The following CSMD3 variants were observed in gnomAD, a reference collection of about 807,000 sequenced individuals.
CSMD3 encodes CUB and sushi domain-containing protein 3.
A neutral mutation model predicts 435.2 loss-of-function variants in CSMD3; 177 were observed. That is an observed-to-expected ratio of 0.41 (90% CI 0.36 to 0.46). CSMD3 has a LOEUF of 0.46. Ranked by LOEUF, CSMD3 falls within the 20% of genes least tolerant of loss-of-function variation. The pLI, the probability that CSMD3 is intolerant of heterozygous loss-of-function variation, is 0.34. For synonymous variants in CSMD3, 1,656 were observed against 1,520.5 expected, an observed-to-expected ratio of 1.09 and a Z score of -2.07; for missense variants, 4,265 against 4,504.6, an observed-to-expected ratio of 0.95 and a Z score of 1.52.
At chr8:112,310,667 T>C (rs1172785160) in intron 50 of CSMD3, 18 of 413,142 alleles carry the variant, frequency 4.4e-5, no homozygotes, top group East Asian at 3.4e-4. Flanking sequence ...ACTAACTCAG[T>C]CTTCCTCTCT....
At position 112,263,659 on chromosome 8, in the gene CSMD3, C is replaced by T. The variant is rs1333652160; in HGVS notation, c.9842G>A (p.Gly3281Asp). 2 of 1,613,492 alleles carry T rather than the reference C, an allele frequency of 1.2e-6. No homozygotes were observed. Among genetic ancestry groups the T allele is most frequent in the Non-Finnish European group, 1.7e-6 (2 of 1,179,660 alleles). ...LTCVGNGTWS[G>D]EVPQCLPKFC... The stretch of plus-strand genomic sequence containing the variant: ...CTTACGTAAGCACTGCGGTACTTCA[C>T]CACTCCAGGTACCATTCCCTACACA... Residue 3281 changes from glycine to aspartate, a missense_variant, in exon 61 of 71, where the codon GGT becomes GAT. By Grantham distance (94) the Gly-to-Asp change is moderately conservative (BLOSUM62 -1). Around this residue, in one of 3 missense-constraint regions of CSMD3, gnomAD observed 3,255 missense variants for 3,380.2 expected, o/e 0.96. Coordinates refer to ENST00000297405, the MANE Select transcript of CSMD3 (RefSeq NM_198123.2).
chr8:112,260,989 GA>G (rs1816336788), intron 61 of CSMD3, among the ~76,000 whole-genome samples: 1 of 152,070 alleles, frequency 6.6e-6, no homozygotes, highest in Non-Finnish European at 1.5e-5. Flanking sequence ...ACAGTACCTA[GA>G]AGGAGCTCCT....
intron 8 of CSMD3, among the ~76,000 whole-genome samples, chr8:112,952,978 A>G (rs563472937): frequency 6.6e-6 from 1 of 151,442 alleles, no homozygotes; most frequent in South Asian, 2.1e-4. Context: ...AAGGCAATAT[A>G]CCAACAGGGA....
At chr8:112,945,651 T>A (rs1269381924) in intron 9 of CSMD3, among the ~76,000 whole-genome samples, 1 of 150,822 alleles carries the variant, frequency 6.6e-6, no homozygotes, top group Non-Finnish European at 1.5e-5. Context: ...TTAAATGTTG[T>A]CTCCATTAAA....
intron 7 of CSMD3, 145 bp downstream of exon 7, chr8:112,975,692 C>T: frequency 8.3e-7 from 1 of 1,201,706 alleles, no homozygotes; most frequent in South Asian, 1.4e-5. Context: ...TTGGTTGTTA[C>T]TATCCATATT....
At chr8:112,557,585 T>C (rs1828235531) in intron 24 of CSMD3, among the ~76,000 whole-genome samples, 1 of 151,924 alleles carries the variant, frequency 6.6e-6, no homozygotes, top group Non-Finnish European at 1.5e-5. Context: ...ATTTAATCAA[T>C]TATGCCTATG....
At chr8:112,708,939 G>T (rs34082039) in intron 13 of CSMD3, among the ~76,000 whole-genome samples, 22,861 of 151,988 alleles carry the variant, frequency 0.15, 2,019 homozygotes, top group Middle Eastern at 0.31. Flanking sequence ...TCCAGCTAAA[G>T]CATAACTGAA....
In CSMD3 at chr8:113,228,713, G is replaced by A. The variant is rs75016752; in HGVS notation, c.514+49879C>T. The stretch of plus-strand genomic sequence containing the variant: ...TGCCTTCTGATCTCTCAAGGATAGC[G>A]AAAGAGTGTGAAAATATGAAAGGAA... On this transcript the variant is annotated intron_variant, in intron 3 of 70. Coordinates refer to ENST00000297405, the MANE Select transcript of CSMD3 (RefSeq NM_198123.2). 7.3e-3 allele frequency among the ~76,000 whole-genome samples: 1,105 copies of A among 151,524 alleles called. 11 individuals carry two copies. The highest frequency in any genetic ancestry group is 0.024 in the African/African-American group (998 of 41,414).
chr8:113,295,824 G>A (rs888270657), intron 2 of CSMD3, among the ~76,000 whole-genome samples: 3 of 152,116 alleles, frequency 2.0e-5, no homozygotes, highest in Non-Finnish European at 2.9e-5. Context: ...TATAAATCAT[G>A]CTGCTATAAA....
At chr8:113,172,619 T>C (rs1266699357) in intron 4 of CSMD3, among the ~76,000 whole-genome samples, 2 of 152,210 alleles carry the variant, frequency 1.3e-5, no homozygotes, top group East Asian at 1.9e-4. Flanking sequence ...GAGACTCAAA[T>C]TGTTGAACTG....
At chr8:113,029,158 G>C (rs207469739) in intron 5 of CSMD3, among the ~76,000 whole-genome samples, 2 of 151,410 alleles carry the variant, frequency 1.3e-5, no homozygotes, top group South Asian at 2.1e-4. Context: ...CTCAAAAATA[G>C]TCCAGGACCA....
chr8:113,112,303 G>C (rs1220964355), intron 4 of CSMD3, among the ~76,000 whole-genome samples: 1 of 147,646 alleles, frequency 6.8e-6, no homozygotes, highest in Non-Finnish European at 1.5e-5. Context: ...ATTACCCTAG[G>C]ATAAGAGCTT....
At chr8:113,370,097 T>A (rs72670793) in intron 1 of CSMD3, among the ~76,000 whole-genome samples, 14,908 of 151,804 alleles carry the variant, frequency 0.098, 853 homozygotes, top group Middle Eastern at 0.16. Context: ...AGGTAATGTA[T>A]ATATTAATTA....
chr8:112,736,140 C>T (rs1343603052), intron 13 of CSMD3, among the ~76,000 whole-genome samples: 3 of 151,980 alleles, frequency 2.0e-5, no homozygotes, highest in South Asian at 2.1e-4. Flanking sequence ...TGAATAAATA[C>T]TTTCACTGTT....
intron 7 of CSMD3, among the ~76,000 whole-genome samples, chr8:112,972,901 T>C (rs1392100680): frequency 6.6e-6 from 1 of 152,032 alleles, no homozygotes; most frequent in Middle Eastern, 3.4e-3. Context: ...ATAAGAGGAA[T>C]ATCTAACCTT....
intron 13 of CSMD3, among the ~76,000 whole-genome samples, chr8:112,731,991 C>A (rs531756262): frequency 5.9e-5 from 9 of 152,094 alleles, no homozygotes; most frequent in African/African-American, 1.7e-4. Context: ...CATCATAATT[C>A]TGATTCAGGG....
intron 20 of CSMD3, among the ~76,000 whole-genome samples, chr8:112,643,137 G>A (rs1216823400): frequency 6.6e-6 from 1 of 152,138 alleles, no homozygotes; most frequent in Non-Finnish European, 1.5e-5. Context: ...ATGTGTTTGA[G>A]GAGCTTTTGG....
intron 1 of CSMD3, among the ~76,000 whole-genome samples, chr8:113,418,835 C>A (rs2094595257): frequency 6.6e-6 from 1 of 152,066 alleles, no homozygotes; most frequent in African/African-American, 2.4e-5. Context: ...TATCAATGGT[C>A]AAAGAAGAAT....
intron 27 of CSMD3, among the ~76,000 whole-genome samples, chr8:112,536,735 C>T (rs1370556759): frequency 6.7e-6 from 1 of 149,994 alleles, no homozygotes; most frequent in Non-Finnish European, 1.5e-5. Context: ...TTTATTGCGG[C>T]ACTATTCACA....
Sources: gnomAD v4.1 joint callset for allele counts (sites outside exome capture counted in the v4.1 genomes callset) on GRCh38, gnomAD v4.1.1 for gene constraint, gnomAD v4.1.1 regional missense constraint, MANE v1.5 for transcripts, NCBI Gene and HGNC (gene_info 2026-07-23, HGNC 2026-07-21) for gene names.